The following MTCL1 variants were observed in gnomAD, a reference collection of about 807,000 sequenced individuals.
MTCL1 encodes the protein microtubule cross-linking factor 1.
A neutral mutation model predicts 141.4 loss-of-function variants in MTCL1; 79 were observed. The ratio of observed to expected loss-of-function variants is 0.56; its 90% CI spans 0.47 to 0.67. MTCL1 has a LOEUF of 0.67. Ranked by LOEUF, MTCL1 falls within the 30% of genes least tolerant of loss-of-function variation. The pLI is 0.00. For synonymous variants in MTCL1, 914 were observed against 875.8 expected, an observed-to-expected ratio of 1.04 and a Z score of -0.77; for missense variants, 2,177 against 2,113.9, an observed-to-expected ratio of 1.03 and a Z score of -0.59.
At chr18:8,795,116 G>C (rs570663348) in intron 8 of MTCL1, among the ~76,000 whole-genome samples, 29 of 152,216 alleles carry the variant, frequency 1.9e-4, no homozygotes, top group Non-Finnish European at 3.7e-4. Context: ...CTACAGTAAA[G>C]GTCAGGTATT....
chr18:8,798,015 G>A (rs2075985440), intron 9 of MTCL1, 82 bp from the exon 9 acceptor site: 13 of 1,364,884 alleles, frequency 9.5e-6, no homozygotes, highest in South Asian at 1.4e-5. Flanking sequence ...AAAGTAGATG[G>A]TTATCCTCAG....
intron 4 of MTCL1, among the ~76,000 whole-genome samples, chr18:8,768,449 T>C (rs904321241): frequency 1.3e-5 from 2 of 152,240 alleles, no homozygotes; most frequent in African/African-American, 4.8e-5. Context: ...ATTAGAATCA[T>C]ACTTAAAGTC....
chr18:8,768,751 A>C (rs1190602464), intron 4 of MTCL1, among the ~76,000 whole-genome samples: 6 of 150,940 alleles, frequency 4.0e-5, no homozygotes, highest in African/African-American at 1.5e-4. Flanking sequence ...TCCTTCCATT[A>C]GACCAATGGC....
intron 10 of MTCL1, among the ~76,000 whole-genome samples, chr18:8,799,082 G>A (rs2076024643): frequency 6.6e-6 from 1 of 152,214 alleles, no homozygotes; most frequent in Non-Finnish European, 1.5e-5. Context: ...GTTCAGGGCT[G>A]AGGGCGCAGG....
chr18:8,798,179 G>T (rs574443597), exon 10 of MTCL1: 1 of 1,599,180 alleles, frequency 6.3e-7, no homozygotes, highest in African/African-American at 1.4e-5. Context: ...GACCACGACA[G>T]TGACCGAGGC....
chr18:8,770,512 C>T (rs145884221), intron 4 of MTCL1, among the ~76,000 whole-genome samples: 5 of 152,296 alleles, frequency 3.3e-5, no homozygotes, highest in East Asian at 3.9e-4. Flanking sequence ...GCCTCTTCCT[C>T]GTCTTACAAG....
chr18:8,788,442 C>G (rs1386529721), intron 7 of MTCL1, among the ~76,000 whole-genome samples: 1 of 152,146 alleles, frequency 6.6e-6, no homozygotes, highest in Non-Finnish European at 1.5e-5. Flanking sequence ...GGATTTGTTC[C>G]TCAAGCTGCA....
exon 15 of MTCL1, chr18:8,826,128 G>A (rs748033165): frequency 6.2e-7 from 1 of 1,613,376 alleles, no homozygotes; most frequent in Admixed American, 1.7e-5. Context: ...GAAGCTGCTG[G>A]AACATGCCTT....
chr18:8,808,137 G>C (rs983829759), intron 11 of MTCL1, among the ~76,000 whole-genome samples: 1 of 152,206 alleles, frequency 6.6e-6, no homozygotes, highest in Non-Finnish European at 1.5e-5. Flanking sequence ...GCAGGCCTGG[G>C]CATCAAGTGA....
At chr18:8,714,801 T>C (rs1317266202), upstream of MTCL1, among the ~76,000 whole-genome samples, 2 of 149,682 alleles carry the variant, frequency 1.3e-5, no homozygotes, top group African/African-American at 5.1e-5. Context: ...AATTTTCTTT[T>C]CTCTTTTTTT....
chr18:8,809,581 AGTAAAGCAGC>A, intron 11 of MTCL1: 1 of 1,535,974 alleles, frequency 6.5e-7, no homozygotes, highest in Non-Finnish European at 8.7e-7. Flanking sequence ...GTGACTCTGA[AGTAAAGCAGC>A]AGCAGTGGAG....
chr18:8,807,012 G>A (rs1300416171), exon 11 of MTCL1: 1 of 1,613,860 alleles, frequency 6.2e-7, no homozygotes, highest in Non-Finnish European at 8.5e-7. Context: ...CCAGCGACAA[G>A]GCGGCCTGGG....
At chr18:8,766,326 GAAGCAT>G (rs1251560646) in intron 4 of MTCL1, among the ~76,000 whole-genome samples, 1 of 151,674 alleles carries the variant, frequency 6.6e-6, no homozygotes, top group Non-Finnish European at 1.5e-5. Flanking sequence ...CCCACTAGGT[GAAGCAT>G]GAGTTGTCGG....
At chr18:8,709,859 A>T (rs938917720) in intron 1 of MTCL1, among the ~76,000 whole-genome samples, 1 of 152,008 alleles carries the variant, frequency 6.6e-6, no homozygotes, top group Non-Finnish European at 1.5e-5. Flanking sequence ...ATTTTTTTTG[A>T]GACGGAGTCT....
chr18:8,755,941 A>C (rs896256043), intron 4 of MTCL1, among the ~76,000 whole-genome samples: 1 of 152,148 alleles, frequency 6.6e-6, no homozygotes, highest in African/African-American at 2.4e-5. Context: ...GGAGTTCAAA[A>C]CCAGCCTGGT....
At position 8,806,995 on chromosome 18, in the gene MTCL1, C is replaced by T. The variant is rs747821812; in HGVS notation, c.2539C>T (p.Gln847Ter). Reference sequence around the variant, plus strand: ...GCGTGCCCGACTACGGCTGCAGCAGCAATATGCCAGCGACAAGGCGGCCTG... The same window carrying T: ...GCGTGCCCGACTACGGCTGCAGCAGTAATATGCCAGCGACAAGGCGGCCTG... The change falls in exon 11 of 17, where the codon CAA becomes TAA. Residue 847 changes from glutamine to a stop codon, truncating the protein, a stop_gained. Transcript: ENST00000359865. LOFTEE classifies it high-confidence loss of function. The T allele has an allele frequency of 1.9e-6, 3 of 1,613,892 alleles. No individual in the cohort carries two copies. Among genetic ancestry groups the T allele is most frequent in the Non-Finnish European group, 8.5e-7 (1 of 1,179,992 alleles).
Position 8,768,237 on chromosome 18 carries a change from C to T in MTCL1, c.358-9596C>T, listed in dbSNP as rs1423993402. 2.6e-5 allele frequency among the ~76,000 whole-genome samples: 4 copies of T among 152,170 alleles called. No individual in the cohort carries two copies. In the East Asian group the frequency reaches 5.8e-4, roughly 22 times the overall value. On this transcript the variant is annotated intron_variant, in intron 4 of 16. Transcript: ENST00000359865. ...CCCATCTTTTTATTCATTTACCCAT[C>T]GTATTTTTTGGTGCATTTGAAAATA...
intron 4 of MTCL1, among the ~76,000 whole-genome samples, chr18:8,735,774 A>G (rs2096272007): frequency 6.6e-6 from 1 of 152,150 alleles, no homozygotes; most frequent in Admixed American, 6.5e-5. Context: ...GTGTCAGGGC[A>G]CACCTCCCCT....
chr18:8,832,081 T>A, exon 17 of MTCL1: 4 of 466,410 alleles, frequency 8.6e-6, no homozygotes, highest in Non-Finnish European at 1.5e-5. Flanking sequence ...AAAAGGTAAA[T>A]AAGGTATAAA....
Sources: gnomAD v4.1 joint callset for allele counts (sites outside exome capture counted in the v4.1 genomes callset) on GRCh38, gnomAD v4.1.1 for gene constraint, MANE v1.5 for transcripts, NCBI Gene and HGNC (gene_info 2026-07-23, HGNC 2026-07-21) for gene names.